CTNND1: variants seen among roughly 807,000 people sequenced by gnomAD.
CTNND1 encodes the protein catenin delta 1.
CTNND1 carries 16 observed loss-of-function variants against 112.1 expected under a neutral mutation model. The ratio of observed to expected loss-of-function variants is 0.14; its 90% CI spans 0.10 to 0.22. CTNND1 has a LOEUF of 0.22. Ranked by LOEUF, CTNND1 falls within the 10% of genes least tolerant of loss-of-function variation. The pLI, the probability that CTNND1 is intolerant of heterozygous loss-of-function variation, is 1.00. For synonymous variants in CTNND1, 420 were observed against 446.5 expected (o/e 0.94, Z 0.75); for missense variants, 1,008 against 1,257.0 (o/e 0.80, Z 3.00).
At chr11:57,791,743 T>G in intron 3 of CTNND1, 70 bp downstream of exon 3, 1 of 1,442,324 alleles carries the variant, frequency 6.9e-7, no homozygotes, top group Non-Finnish European at 9.2e-7. Context: ...TGATCCTTTT[T>G]GGGAAGCTAC....
At chr11:57,811,912 A>G (rs1459596023) in intron 17 of CTNND1, among the ~76,000 whole-genome samples, 1 of 152,264 alleles carries the variant, frequency 6.6e-6, no homozygotes, top group Non-Finnish European at 1.5e-5. Context: ...TTATCATGTG[A>G]GTAAACACAT....
intron 5 of CTNND1, among the ~76,000 whole-genome samples, chr11:57,796,195 G>A (rs1424977540): frequency 1.3e-5 from 2 of 151,928 alleles, no homozygotes; most frequent in Non-Finnish European, 2.9e-5. Flanking sequence ...GACCAGTCTG[G>A]GCAACATAGT....
rs999326547 is a variant in CTNND1 at position 57,761,922 on chromosome 11, A to G, written c.-411A>G. The G allele has an allele frequency of 1.0e-6, 1 of 985,366 alleles. No individual in the cohort carries two copies. The highest frequency in any genetic ancestry group is 1.2e-6 in the Non-Finnish European group (1 of 829,970). The allele number at this position is 985,366 out of a possible 1,614,324, so 61.0% of individuals were successfully genotyped here. A position where few individuals can be genotyped will look rare whatever the true frequency, so the allele number is the denominator to read the frequency against. Reference sequence around the variant, plus strand: ...AGAGAGAGAGAAAGAAGAGCAGGAAAGATCCCGAAAGGAGGAAGAGGTGGC... The same window carrying G: ...AGAGAGAGAGAAAGAAGAGCAGGAAGGATCCCGAAAGGAGGAAGAGGTGGC... On this transcript the variant is annotated 5_prime_UTR_variant, in exon 1 of 21. Coordinates refer to ENST00000399050, the MANE Select transcript of CTNND1 (RefSeq NM_001085458.2).
At chr11:57,810,956 CAAAAAAAA>C (rs1163803590) in intron 16 of CTNND1, among the ~76,000 whole-genome samples, 1 of 130,020 alleles carries the variant, frequency 7.7e-6, no homozygotes, top group Non-Finnish European at 1.6e-5. Flanking sequence ...AACCCTGTCT[CAAAAAAAA>C]AAGAAAAAAA....
chr11:57,791,764 G>T (rs1273121662), intron 3 of CTNND1, 91 bp downstream of exon 3: 3 of 1,359,518 alleles, frequency 2.2e-6, no homozygotes, highest in African/African-American at 3.0e-5. Flanking sequence ...TCTCCTTTTG[G>T]TGATGGGCTG....
intron 3 of CTNND1, among the ~76,000 whole-genome samples, chr11:57,791,964 C>T (rs148750418): frequency 1.3e-5 from 2 of 152,070 alleles, no homozygotes; most frequent in African/African-American, 4.8e-5. Context: ...GTTTAGTTTG[C>T]AGCTGTACTC....
At position 57,762,074 on chromosome 11, in the gene CTNND1, T is replaced by C; in HGVS notation, c.-259T>C. 2 of 985,446 alleles carry C rather than the reference T, an allele frequency of 2.0e-6. No individual in the cohort carries two copies. The highest frequency in any genetic ancestry group is 2.4e-6 in the Non-Finnish European group (2 of 829,936). 61.0% of individuals were successfully genotyped at this position (985,446 alleles called of 1,614,324 possible). On this transcript the variant is annotated 5_prime_UTR_variant, in exon 1 of 21. Transcript: ENST00000399050. The stretch of plus-strand genomic sequence containing the variant: ...GTGTGGCTTTTGAAGAAAATGTATG[T>C]ACTGACGGGAAAAGGAGGATAAGCA...
At chr11:57,815,889 T>G in intron 19 of CTNND1, 26 bp from the exon 20 acceptor site, 1 of 1,589,536 alleles carries the variant, frequency 6.3e-7, no homozygotes, top group Non-Finnish European at 8.6e-7. Flanking sequence ...TCTCTACTCA[T>G]ACTAACAAAT....
intron 1 of CTNND1, chr11:57,763,828 T>G (rs1254991784): frequency 1.3e-5 from 2 of 152,194 alleles, no homozygotes; most frequent in African/African-American, 2.4e-5. Flanking sequence ...ACAAAGGCAG[T>G]TTGAAAATAG....
intron 1 of CTNND1, among the ~76,000 whole-genome samples, chr11:57,775,084 A>G (rs1231786442): frequency 1.4e-5 from 2 of 147,540 alleles, no homozygotes; most frequent in Non-Finnish European, 3.0e-5. Context: ...TAGAGGGGGG[A>G]TTTAATTTTT....
chr11:57,801,681 A>C, intron 6 of CTNND1, 52 bp from the exon 7 acceptor site: 2 of 1,447,884 alleles, frequency 1.4e-6, no homozygotes, highest in Non-Finnish European at 1.9e-6. Flanking sequence ...ATGTCCAGGA[A>C]GCTAGCCATA....
chr11:57,801,641 A>T, intron 6 of CTNND1, 92 bp from the exon 7 acceptor site: 1 of 1,022,866 alleles, frequency 9.8e-7, no homozygotes, highest in Non-Finnish European at 1.4e-6. Flanking sequence ...AACTCCAGTT[A>T]ATCCTCCTTT....
chr11:57,805,307 G>A (rs778150526), intron 9 of CTNND1, among the ~76,000 whole-genome samples: 1 of 152,046 alleles, frequency 6.6e-6, no homozygotes, highest in Non-Finnish European at 1.5e-5. Flanking sequence ...GTACAGTCCC[G>A]TGATCTCGGC....
In CTNND1 at chr11:57,802,145, G is replaced by A; in HGVS notation, c.1369G>A (p.Val457Met). 2 of 1,613,964 alleles carry A rather than the reference G, an allele frequency of 1.2e-6. No homozygotes were observed. The highest frequency in any genetic ancestry group is 1.7e-6 in the Non-Finnish European group (2 of 1,179,862). The change falls in exon 7 of 21, where the codon GTG (valine) becomes ATG (methionine). Residue 457 changes from valine to methionine, a missense_variant. Physicochemically the swap from Val to Met is conservative, Grantham distance 21. This residue lies in a region of CTNND1 where 216 missense variants were observed against 342.8 expected (regional missense o/e 0.63). Coordinates refer to ENST00000399050, the MANE Select transcript of CTNND1 (RefSeq NM_001085458.2). ...IKNCDGVPALVRLLRKARDMD... is the reference protein window; with the variant it reads ...IKNCDGVPALMRLLRKARDMD... ...AAACTGTGATGGTGTGCCTGCCCTT[G>A]TGCGATTGCTTCGAAAGGCTCGTGA...
intron 1 of CTNND1, among the ~76,000 whole-genome samples, chr11:57,785,897 A>G (rs1406559826): frequency 6.6e-6 from 1 of 151,812 alleles, no homozygotes; most frequent in African/African-American, 2.4e-5. Context: ...AGCACTGTCT[A>G]GTTGTTTGGT....
Position 57,812,856 on chromosome 11 carries a change from G to A in CTNND1, c.2638+1370G>A, listed in dbSNP as rs561225486. On this transcript the variant is annotated intron_variant, in intron 17 of 20. Transcript: ENST00000399050. The stretch of plus-strand genomic sequence containing the variant: ...GTTTTTACTTGGAAAAAAATGTGTG[G>A]TAGACAAAGGGATTATTCAGATGTG... 1.7e-4 allele frequency among the ~76,000 whole-genome samples: 26 copies of A among 152,250 alleles called. No homozygotes were observed. In the South Asian group the frequency reaches 4.6e-3, roughly 27 times the overall value.
intron 20 of CTNND1, 144 bp downstream of exon 20, chr11:57,816,145 T>A: frequency 8.6e-7 from 1 of 1,156,850 alleles, no homozygotes; most frequent in Non-Finnish European, 1.3e-6. Flanking sequence ...CTTTTGTGAT[T>A]ATTACCTCTT....
At chr11:57,790,848 G>A (rs1322043599) in intron 2 of CTNND1, among the ~76,000 whole-genome samples, 2 of 151,978 alleles carry the variant, frequency 1.3e-5, no homozygotes, top group African/African-American at 4.8e-5. Flanking sequence ...GTAAGCCACA[G>A]TGCCCGGCCT....
intron 6 of CTNND1, among the ~76,000 whole-genome samples, chr11:57,800,616 C>T (rs1005208583): frequency 1.6e-4 from 25 of 152,196 alleles, no homozygotes; most frequent in Admixed American, 2.0e-4. Flanking sequence ...TTACTAAATG[C>T]TTTGTCCATC....
Sources: allele counts gnomAD v4.1 joint callset (sites outside exome capture counted in the v4.1 genomes callset), GRCh38; gene constraint gnomAD v4.1.1; regional missense constraint gnomAD v4.1.1; transcripts MANE v1.5; gene names NCBI Gene and HGNC (gene_info 2026-07-23, HGNC 2026-07-21).